BACH1: variants seen among roughly 807,000 people sequenced by gnomAD.
BACH1 encodes BTB domain and CNC homolog 1.
In BACH1, 35 loss-of-function variants were observed where a neutral mutation model predicts 52.9. The ratio of observed to expected loss-of-function variants is 0.66; its 90% CI spans 0.51 to 0.88. The LOEUF (loss-of-function observed/expected upper bound fraction) is 0.88. BACH1 is among the 40% of genes least tolerant of loss of function. The pLI, the probability that BACH1 is intolerant of heterozygous loss-of-function variation, is 0.00. For synonymous variants in BACH1, 321 were observed against 319.6 expected, an observed-to-expected ratio of 1.00 and a Z score of -0.05; for missense variants, 808 against 872.6, an observed-to-expected ratio of 0.93 and a Z score of 0.93.
chr21:29,298,964 C>T lies in BACH1; in HGVS notation c.-61+11C>T, dbSNP rs1350551637. On this transcript the variant is annotated intron_variant, in intron 1 of 4. Transcript: ENST00000286800. ...CGCGCCTCAGCTCTGGTGAGTGGCT[C>T]GGCCGTCCCGCCGGCCCTTCTCCGG... 2.0e-5 allele frequency: 3 copies of T among 151,834 alleles called. No homozygotes were observed. The highest frequency in any genetic ancestry group is 4.4e-5 in the Non-Finnish European group (3 of 67,968). 9.4% of individuals were successfully genotyped at this position (151,834 alleles called of 1,614,324 possible).
intron 1 of BACH1, among the ~76,000 whole-genome samples, chr21:29,300,545 TGACC>T (rs1164901678): frequency 1.3e-5 from 2 of 152,324 alleles, no homozygotes; most frequent in African/African-American, 4.8e-5. Context: ...CGGAGCCTCG[TGACC>T]TGCTGTCTGA....
chr21:29,342,662 G>T lies in BACH1; in HGVS notation c.2040G>T (p.Leu680=). 6.2e-7 allele frequency: 1 copy of T among 1,614,160 alleles called. No individual in the cohort carries two copies. Among genetic ancestry groups the T allele is most frequent in the Non-Finnish European group, 8.5e-7 (1 of 1,180,020 alleles). The change falls in exon 5 of 5, where the codon CTG becomes CTT. Residue 680 remains leucine (L), a synonymous_variant. Coordinates refer to ENST00000286800, the MANE Select transcript of BACH1 (RefSeq NM_001186.4). ...TATCTGACCGGCCTCCAGCAGTGCT[G>T]CCTCCCTGTGCCAGAGGAAACAGTG... ...FSLSDRPPAV[L]PPCARGNSEP...
chr21:29,326,421 A>G lies in BACH1; in HGVS notation c.597A>G (p.Leu199=), dbSNP rs1416483753. 3.7e-6 allele frequency: 6 copies of G among 1,614,192 alleles called. No homozygotes were observed. Among genetic ancestry groups the G allele is most frequent in the South Asian group, 2.2e-5 (2 of 91,078 alleles). The change falls in exon 3 of 5, where the codon CTA becomes CTG. Residue 199 remains leucine (L), a synonymous_variant. Transcript: ENST00000286800. Reference sequence around the variant, plus strand: ...GAAATGCAAAAGCCTCACCTCCTCTACAAGACAGTGCCAGTCAGACATATG... The same window carrying G: ...GAAATGCAAAAGCCTCACCTCCTCTGCAAGACAGTGCCAGTCAGACATATG... ...YQGNAKASPP[L]QDSASQTYES...
chr21:29,355,050 T>C (rs1370166457), intron 2 of BACH1, among the ~76,000 whole-genome samples: 1 of 152,210 alleles, frequency 6.6e-6, no homozygotes, highest in Non-Finnish European at 1.5e-5. Flanking sequence ...TTCCACAGCA[T>C]GGAAGGGGAC....
At chr21:29,340,958 C>T (rs2089104633) in intron 4 of BACH1, among the ~76,000 whole-genome samples, 1 of 148,388 alleles carries the variant, frequency 6.7e-6, no homozygotes, top group Non-Finnish European at 1.5e-5. Context: ...ACATTCTTGA[C>T]CTACATCTAT....
intron 1 of BACH1, among the ~76,000 whole-genome samples, chr21:29,318,038 A>G (rs1012736723): frequency 3.3e-5 from 5 of 152,138 alleles, no homozygotes; most frequent in Admixed American, 6.5e-5. Context: ...TGCGTAGGTG[A>G]TGCGCCTATG....
chr21:29,318,745 T>C (rs1289930416), intron 1 of BACH1, among the ~76,000 whole-genome samples: 1 of 152,210 alleles, frequency 6.6e-6, no homozygotes, highest in Admixed American at 6.5e-5. Flanking sequence ...GTAGGAATTA[T>C]TTGTGTGGAG....
intron 4 of BACH1, among the ~76,000 whole-genome samples, chr21:29,332,720 T>C (rs1176244627): frequency 6.6e-6 from 1 of 152,212 alleles, no homozygotes; most frequent in Non-Finnish European, 1.5e-5. Context: ...CTGAATAATT[T>C]CACTCTCTCC....
Position 29,302,714 on chromosome 21 carries a change from C to T in BACH1, c.-61+3761C>T, listed in dbSNP as rs555429490. Among the ~76,000 whole-genome samples, 50 of 152,286 alleles carry T rather than the reference C, an allele frequency of 3.3e-4. 1 individual carries two copies. Among genetic ancestry groups the T allele is most frequent in the Non-Finnish European group, 6.0e-4 (41 of 68,018 alleles). Reference sequence around the variant, plus strand: ...GGTGTTATTATCTGTTGTTCAGAATCAGGGAAGTACTTAGTTACACAGTAG... The same window carrying T: ...GGTGTTATTATCTGTTGTTCAGAATTAGGGAAGTACTTAGTTACACAGTAG... On this transcript the variant is annotated intron_variant, in intron 1 of 4. Coordinates refer to ENST00000286800, the MANE Select transcript of BACH1 (RefSeq NM_001186.4).
chr21:29,322,278 C>T (rs1601351271), intron 2 of BACH1, among the ~76,000 whole-genome samples: 2 of 152,176 alleles, frequency 1.3e-5, no homozygotes, highest in Admixed American at 1.3e-4. Flanking sequence ...TCCGTTTTCC[C>T]AAGACATCTC....
intron 4 of BACH1, among the ~76,000 whole-genome samples, chr21:29,338,293 G>A (rs186571952): frequency 6.6e-6 from 1 of 152,268 alleles, no homozygotes; most frequent in East Asian, 1.9e-4. Flanking sequence ...ATTTCCCAGT[G>A]TGAAGCTTTA....
At chr21:29,360,961 A>T (rs2123499100) in intron 2 of BACH1, 1 of 151,480 alleles carries the variant, frequency 6.6e-6, no homozygotes, top group Admixed American at 6.6e-5. Context: ...AATGCCTGCC[A>T]CCTCCCAACA....
intron 1 of BACH1, among the ~76,000 whole-genome samples, chr21:29,301,719 A>C (rs2088605715): frequency 6.6e-6 from 1 of 152,194 alleles, no homozygotes; most frequent in Admixed American, 6.5e-5. Flanking sequence ...TACACATTGG[A>C]GTGTAATATG....
intron 1 of BACH1, among the ~76,000 whole-genome samples, chr21:29,318,660 C>T (rs1182883660): frequency 6.6e-6 from 1 of 152,098 alleles, no homozygotes; most frequent in Non-Finnish European, 1.5e-5. Flanking sequence ...GAGTAGTCAG[C>T]CAGCTGGTGG....
rs1569017478 is a variant in BACH1 at position 29,329,641 on chromosome 21, G to A, written c.1724G>A (p.Arg575His). 1.3e-6 allele frequency: 2 copies of A among 1,597,338 alleles called. No individual in the cohort carries two copies. Among genetic ancestry groups the A allele is most frequent in the East Asian group, 2.3e-5 (1 of 44,386 alleles). ...SKNRIAAQRC[R>H]KRKLDCIQNL... ...AACAGAATTGCTGCACAGCGCTGTC[G>A]CAAGAGAAAACTTGACTGTATACAG... Residue 575 changes from arginine to histidine, a missense_variant, in exon 4 of 5, where the codon CGC (arginine) becomes CAC (histidine). By Grantham distance (29) the Arg-to-His change is conservative. Coordinates refer to ENST00000286800, the MANE Select transcript of BACH1 (RefSeq NM_001186.4).
At chr21:29,338,975 T>C (rs1454895906) in intron 4 of BACH1, among the ~76,000 whole-genome samples, 1 of 152,224 alleles carries the variant, frequency 6.6e-6, no homozygotes, top group Admixed American at 6.5e-5. Context: ...ATATTTTTTC[T>C]TAGTTCAGAG....
At chr21:29,336,387 T>A (rs554163587) in intron 4 of BACH1, among the ~76,000 whole-genome samples, 40 of 152,180 alleles carry the variant, frequency 2.6e-4, no homozygotes, top group Non-Finnish European at 5.0e-4. Flanking sequence ...CCAGTGTCAG[T>A]ATTGTCGTAC....
At chr21:29,330,227 C>T (rs2088964479) in intron 4 of BACH1, among the ~76,000 whole-genome samples, 2 of 152,104 alleles carry the variant, frequency 1.3e-5, no homozygotes, top group Non-Finnish European at 2.9e-5. Flanking sequence ...TGCAGTGGTG[C>T]GATCTCGGCT....
chr21:29,351,460 T>C (rs2089201530), intron 2 of BACH1, among the ~76,000 whole-genome samples: 1 of 152,218 alleles, frequency 6.6e-6, no homozygotes, highest in African/African-American at 2.4e-5. Context: ...ATTTAAATGA[T>C]AGCCTTAACT....
Sources: gnomAD v4.1 joint callset for allele counts (sites outside exome capture counted in the v4.1 genomes callset) on GRCh38, gnomAD v4.1.1 for gene constraint, MANE v1.5 for transcripts, NCBI Gene and HGNC (gene_info 2026-07-23, HGNC 2026-07-21) for gene names.